L3MBTL4: variants seen among roughly 807,000 people sequenced by gnomAD.
The protein encoded by L3MBTL4 is L3MBTL histone methyl-lysine binding protein 4, also known as lethal(3)malignant brain tumor-like protein 4.
A neutral mutation model predicts 84.5 loss-of-function variants in L3MBTL4; 70 were observed. The observed-to-expected ratio is 0.83, with a 90% CI of 0.68 to 1.01. L3MBTL4 has a LOEUF of 1.01. Ranked by LOEUF, L3MBTL4 falls within the 50% of genes least tolerant of loss-of-function variation. The pLI is 0.00. For missense variants in L3MBTL4, 715 were observed against 754.8 expected, an observed-to-expected ratio of 0.95 and a Z score of 0.62; for synonymous variants, 274 against 259.8, an observed-to-expected ratio of 1.05 and a Z score of -0.52.
intron 1 of L3MBTL4, among the ~76,000 whole-genome samples, chr18:6,381,588 T>G (rs1291518987): frequency 2.6e-5 from 4 of 152,262 alleles, no homozygotes; most frequent in Non-Finnish European, 4.4e-5. Context: ...CCTGCACTTA[T>G]GAAGCTTAGT....
chr18:6,273,547 C>T (rs755867826), intron 4 of L3MBTL4, among the ~76,000 whole-genome samples: 1 of 152,120 alleles, frequency 6.6e-6, no homozygotes, highest in South Asian at 2.1e-4. Flanking sequence ...ACAGAGGAGG[C>T]GACCAGCACC....
chr18:6,078,610 T>C (rs1167433782), intron 16 of L3MBTL4, among the ~76,000 whole-genome samples: 1 of 152,050 alleles, frequency 6.6e-6, no homozygotes, highest in Non-Finnish European at 1.5e-5. Flanking sequence ...CGAAAGCAAA[T>C]ATGCTTTATA....
intron 16 of L3MBTL4, among the ~76,000 whole-genome samples, chr18:6,010,866 G>A (rs1455297638): frequency 6.6e-6 from 1 of 152,178 alleles, no homozygotes; most frequent in African/African-American, 2.4e-5. Context: ...ATATCAGTAT[G>A]AGGCAAGGCT....
intron 16 of L3MBTL4, among the ~76,000 whole-genome samples, chr18:6,000,028 C>T (rs1026849024): frequency 2.6e-5 from 4 of 151,226 alleles, no homozygotes; most frequent in Non-Finnish European, 2.9e-5. Context: ...CATTTCCTGT[C>T]AATATAGATG....
intron 10 of L3MBTL4, among the ~76,000 whole-genome samples, chr18:6,226,498 A>G (rs968060667): frequency 6.6e-6 from 1 of 152,230 alleles, no homozygotes; most frequent in Non-Finnish European, 1.5e-5. Context: ...GATATAGAAC[A>G]TATAGAAGGT....
At chr18:6,154,518 A>C (rs1722737850) in intron 13 of L3MBTL4, among the ~76,000 whole-genome samples, 1 of 152,060 alleles carries the variant, frequency 6.6e-6, no homozygotes, top group South Asian at 2.1e-4. Context: ...AGAGACTACT[A>C]CTCTTCTCCT....
chr18:6,162,361 A>G (rs1187203465), intron 13 of L3MBTL4, among the ~76,000 whole-genome samples: 1 of 152,232 alleles, frequency 6.6e-6, no homozygotes, highest in Middle Eastern at 3.2e-3. Context: ...ACAATTGTTG[A>G]GTCACATAAA....
At chr18:6,261,259 A>C (rs544379469) in intron 5 of L3MBTL4, among the ~76,000 whole-genome samples, 1 of 152,338 alleles carries the variant, frequency 6.6e-6, no homozygotes, top group South Asian at 2.1e-4. Flanking sequence ...CTTTGCACAC[A>C]CAGAGTCTTA....
At chr18:6,279,389 T>C (rs979081556) in intron 4 of L3MBTL4, among the ~76,000 whole-genome samples, 9 of 151,952 alleles carry the variant, frequency 5.9e-5, no homozygotes, top group Admixed American at 5.9e-4. Context: ...GAACGTCAGA[T>C]GGGTGAATGT....
At chr18:5,962,574 C>T (rs745831490) in intron 17 of L3MBTL4, among the ~76,000 whole-genome samples, 26 of 152,172 alleles carry the variant, frequency 1.7e-4, no homozygotes, top group Non-Finnish European at 3.5e-4. Context: ...AGAGCTTTCA[C>T]GCTGACTGCA....
intron 16 of L3MBTL4, among the ~76,000 whole-genome samples, chr18:6,014,684 A>C (rs1490890910): frequency 1.3e-5 from 2 of 152,094 alleles, no homozygotes; most frequent in African/African-American, 4.8e-5. Flanking sequence ...AGCAGAGGAG[A>C]TGGTGAATAG....
intron 4 of L3MBTL4, among the ~76,000 whole-genome samples, chr18:6,277,140 G>C (rs1599450139): frequency 8.5e-6 from 1 of 117,110 alleles, no homozygotes. Flanking sequence ...ACTGTTGTGG[G>C]GTGGGGGGAC....
At chr18:6,179,965 A>G (rs777440032) in intron 12 of L3MBTL4, among the ~76,000 whole-genome samples, 1 of 152,198 alleles carries the variant, frequency 6.6e-6, no homozygotes, top group Non-Finnish European at 1.5e-5. Flanking sequence ...TAATGTTCAC[A>G]GTACTATTTT....
At chr18:6,359,448 AAAAT>A (rs1181168868) in intron 1 of L3MBTL4, among the ~76,000 whole-genome samples, 1 of 152,208 alleles carries the variant, frequency 6.6e-6, no homozygotes, top group Non-Finnish European at 1.5e-5. Context: ...CCAGCTCAAA[AAAAT>A]AAATAAATAA....
At chr18:6,188,028 C>A (rs1423551862) in intron 12 of L3MBTL4, among the ~76,000 whole-genome samples, 1 of 151,890 alleles carries the variant, frequency 6.6e-6, no homozygotes, top group East Asian at 1.9e-4. Context: ...TGTTGTCCAG[C>A]TGAATGCTAT....
At chr18:6,392,572 G>T (rs960491319) in intron 1 of L3MBTL4, among the ~76,000 whole-genome samples, 2 of 152,036 alleles carry the variant, frequency 1.3e-5, no homozygotes, top group African/African-American at 2.4e-5. Flanking sequence ...AAATAGTGCT[G>T]GGAAAACTGA....
At chr18:6,017,026 G>A (rs1158842103) in intron 16 of L3MBTL4, among the ~76,000 whole-genome samples, 1 of 145,064 alleles carries the variant, frequency 6.9e-6, no homozygotes, top group African/African-American at 2.6e-5. Context: ...GTGGTAAATG[G>A]CCCACCTGAG....
intron 5 of L3MBTL4, 33 bp from the exon 6 acceptor site, chr18:6,244,621 G>A (rs961048089): frequency 7.2e-7 from 1 of 1,397,382 alleles, no homozygotes; most frequent in Non-Finnish European, 1.0e-6. Flanking sequence ...ATTAGCCACT[G>A]AGATTTCATC....
chr18:6,035,379 T>G (rs1200358949), intron 16 of L3MBTL4, among the ~76,000 whole-genome samples: 2 of 152,134 alleles, frequency 1.3e-5, no homozygotes, highest in Non-Finnish European at 2.9e-5. Context: ...CTAGCCAGTT[T>G]TCCCAGCACC....
Sources: allele counts gnomAD v4.1 joint callset (sites outside exome capture counted in the v4.1 genomes callset), GRCh38; gene constraint gnomAD v4.1.1; transcripts MANE v1.5; gene names NCBI Gene and HGNC (gene_info 2026-07-23, HGNC 2026-07-21).